The following EPS15L1 variants were observed in gnomAD, a reference collection of about 807,000 sequenced individuals.
The protein encoded by EPS15L1 is epidermal growth factor receptor substrate 15-like 1.
A neutral mutation model predicts 117.1 loss-of-function variants in EPS15L1; 43 were observed. That is an observed-to-expected ratio of 0.37 (90% CI 0.29 to 0.47). EPS15L1 has a LOEUF of 0.47. Among genes scored for constraint, EPS15L1 ranks in the 20% least tolerant of loss-of-function variants. EPS15L1 has a pLI of 0.99. For synonymous variants in EPS15L1, 459 were observed against 470.5 expected (o/e 0.98, Z 0.32); for missense variants, 981 against 1,164.0 (o/e 0.84, Z 2.29).
At chr19:16,423,110 T>G (rs931727492) in intron 9 of EPS15L1, among the ~76,000 whole-genome samples, 2 of 152,258 alleles carry the variant, frequency 1.3e-5, no homozygotes, top group South Asian at 4.1e-4. Context: ...TCTCCTGTGA[T>G]GTCCAAATCT....
At chr19:16,461,245 A>C (rs1395050382) in intron 1 of EPS15L1, among the ~76,000 whole-genome samples, 2 of 150,646 alleles carry the variant, frequency 1.3e-5, no homozygotes, top group Non-Finnish European at 3.0e-5. Context: ...CGGAGCTTGC[A>C]GTGAGCCGAG....
intron 10 of EPS15L1, among the ~76,000 whole-genome samples, 194 bp from the exon 11 acceptor site, chr19:16,418,298 C>A (rs1390367055): frequency 6.6e-6 from 1 of 152,126 alleles, no homozygotes; most frequent in African/African-American, 2.4e-5. Flanking sequence ...TCCCAGTGTC[C>A]CCCACCCTAG....
intron 22 of EPS15L1, among the ~76,000 whole-genome samples, chr19:16,376,866 G>A (rs1476075777): frequency 2.0e-5 from 3 of 152,254 alleles, no homozygotes; most frequent in Non-Finnish European, 2.9e-5. Context: ...CTAAGGCCAA[G>A]GCTTTGTGCA....
intron 1 of EPS15L1, among the ~76,000 whole-genome samples, chr19:16,457,326 G>C (rs1212590137): frequency 6.6e-6 from 1 of 152,172 alleles, no homozygotes; most frequent in Non-Finnish European, 1.5e-5. Flanking sequence ...CCAAGAGCTA[G>C]ATGGAAGAGA....
At chr19:16,437,539 A>G (rs1951319581) in intron 5 of EPS15L1, among the ~76,000 whole-genome samples, 1 of 152,178 alleles carries the variant, frequency 6.6e-6, no homozygotes, top group South Asian at 2.1e-4. Context: ...GAGGGATGAA[A>G]AAGTTCTGGA....
chr19:16,465,815 TAGG>T (rs961454400), intron 1 of EPS15L1, among the ~76,000 whole-genome samples: 3 of 152,076 alleles, frequency 2.0e-5, no homozygotes, highest in South Asian at 2.1e-4. Flanking sequence ...CAAATGAGGT[TAGG>T]AGATGTCATA....
intron 19 of EPS15L1, among the ~76,000 whole-genome samples, chr19:16,390,783 A>G (rs1325619170): frequency 6.6e-6 from 1 of 152,236 alleles, no homozygotes; most frequent in African/African-American, 2.4e-5. Flanking sequence ...AAACTGGAAA[A>G]TATCTCAAAA....
intron 1 of EPS15L1, 67 bp from the exon 2 acceptor site, chr19:16,442,286 C>T (rs2093039903): frequency 2.8e-6 from 4 of 1,435,464 alleles, no homozygotes; most frequent in African/African-American, 1.4e-5. Context: ...AAGGGTTGCC[C>T]CCTCAATTTT....
At chr19:16,418,130 T>C in intron 10 of EPS15L1, 26 bp from the exon 11 acceptor site, 2 of 1,602,318 alleles carry the variant, frequency 1.2e-6, no homozygotes, top group South Asian at 1.1e-5. Context: ...GGATGCTAAT[T>C]ACACATCACA....
chr19:16,466,872 C>T (rs2093309539), intron 1 of EPS15L1, among the ~76,000 whole-genome samples: 1 of 149,086 alleles, frequency 6.7e-6, no homozygotes, highest in Admixed American at 6.7e-5. Context: ...CATTGCACTC[C>T]ATCCTGGGTG....
chr19:16,462,726 G>A (rs1029325389), intron 1 of EPS15L1, among the ~76,000 whole-genome samples: 1 of 152,148 alleles, frequency 6.6e-6, no homozygotes, highest in Non-Finnish European at 1.5e-5. Context: ...AGGCAGAGAG[G>A]GGGCCAGGAA....
intron 1 of EPS15L1, among the ~76,000 whole-genome samples, chr19:16,463,087 C>T (rs1487263325): frequency 6.6e-6 from 1 of 152,212 alleles, no homozygotes; most frequent in Non-Finnish European, 1.5e-5. Flanking sequence ...CACACAGTAG[C>T]TCAGCAGACA....
At chr19:16,403,516 A>T (rs1163557695) in intron 15 of EPS15L1, among the ~76,000 whole-genome samples, 1 of 152,128 alleles carries the variant, frequency 6.6e-6, no homozygotes, top group East Asian at 1.9e-4. Flanking sequence ...TGTGCTCAGG[A>T]AAGGAAAGTG....
chr19:16,399,349 G>A (rs1243094883), intron 16 of EPS15L1, among the ~76,000 whole-genome samples: 1 of 152,154 alleles, frequency 6.6e-6, no homozygotes, highest in African/African-American at 2.4e-5. Flanking sequence ...TGCCAACTTG[G>A]GGGACACGAG....
intron 9 of EPS15L1, among the ~76,000 whole-genome samples, chr19:16,423,894 A>G (rs952992898): frequency 6.6e-6 from 1 of 152,204 alleles, no homozygotes; most frequent in Middle Eastern, 3.2e-3. Context: ...TTACGTATGA[A>G]ATTATAGCTC....
At chr19:16,430,521 G>A (rs1289834203) in intron 7 of EPS15L1, among the ~76,000 whole-genome samples, 1 of 152,218 alleles carries the variant, frequency 6.6e-6, no homozygotes, top group African/African-American at 2.4e-5. Flanking sequence ...TGCAAGTGCT[G>A]GATGTGTGTC....
Position 16,457,261 on chromosome 19 carries a change from G to A in EPS15L1, c.33+14652C>T, listed in dbSNP as rs577581299. ...TGGTGCAGGTGTGGAGGTGAACAACGGGACATTCCCCACCCACAGCCTCAT... is the reference window on the plus strand; with the variant it reads ...TGGTGCAGGTGTGGAGGTGAACAACAGGACATTCCCCACCCACAGCCTCAT... On this transcript the variant is annotated intron_variant, in intron 1 of 23. Coordinates refer to ENST00000455140, the MANE Select transcript of EPS15L1 (RefSeq NM_001258374.3). 3.3e-3 allele frequency among the ~76,000 whole-genome samples: 503 copies of A among 152,288 alleles called. 3 individuals carry two copies. Among genetic ancestry groups the A allele is most frequent in the Non-Finnish European group, 4.2e-3 (287 of 68,024 alleles).
intron 1 of EPS15L1, among the ~76,000 whole-genome samples, chr19:16,466,384 A>G (rs2093305339): frequency 6.6e-6 from 1 of 152,066 alleles, no homozygotes; most frequent in Admixed American, 6.6e-5. Context: ...GACCTCCATC[A>G]TCAGATCGGA....
At chr19:16,384,232 C>G (rs1392170560) in intron 21 of EPS15L1, 2 of 152,360 alleles carry the variant, frequency 1.3e-5, no homozygotes, top group South Asian at 2.1e-4. Flanking sequence ...AGAGTGGACG[C>G]AGGTGTCAGG....
Sources: allele counts gnomAD v4.1 joint callset (sites outside exome capture counted in the v4.1 genomes callset), GRCh38; gene constraint gnomAD v4.1.1; transcripts MANE v1.5; gene names NCBI Gene and HGNC (gene_info 2026-07-23, HGNC 2026-07-21).